The following ATRX variants were observed in gnomAD, a reference collection of about 807,000 sequenced individuals.
ATRX encodes the protein chromatin remodeler ATRX.
A neutral mutation model predicts 172.6 loss-of-function variants in ATRX; 12 were observed. The ratio of observed to expected loss-of-function variants is 0.07; its 90% CI spans 0.04 to 0.11. The LOEUF (loss-of-function observed/expected upper bound fraction) is 0.11, where lower values mean the gene tolerates loss of function less well. ATRX is among the 10% of genes least tolerant of loss of function. The probability of loss-of-function intolerance (pLI) is 1.00; values close to 1 mark genes in which losing one functional copy is unlikely to be tolerated. For synonymous variants in ATRX, 674 were observed against 594.7 expected (o/e 1.13, Z -1.94); for missense variants, 1,368 against 1,767.4 (o/e 0.77, Z 4.05).
At chrX:77,565,155 C>T (rs1208483489) in intron 28 of ATRX, among the ~76,000 whole-genome samples, 1 of 111,869 alleles carries the variant, frequency 8.9e-6, no homozygotes, top group Non-Finnish European at 1.9e-5. Context: ...CCTCTGTCCC[C>T]CCACCCAGCC....
intron 1 of ATRX, among the ~76,000 whole-genome samples, chrX:77,776,353 T>C (rs1396457267): frequency 8.9e-6 from 1 of 112,174 alleles, no homozygotes; most frequent in Non-Finnish European, 1.9e-5. Context: ...AAGTGCTTTA[T>C]GCCCATTTAA....
chrX:77,672,709 G>T (rs1414581525), intron 10 of ATRX, among the ~76,000 whole-genome samples: 1 of 109,113 alleles, frequency 9.2e-6, no homozygotes, highest in Admixed American at 9.8e-5. Context: ...GCATTTAGTC[G>T]CACCCACAGA....
At chrX:77,625,192 T>C (rs187741583) in intron 19 of ATRX, among the ~76,000 whole-genome samples, 4 of 112,192 alleles carry the variant, frequency 3.6e-5, no homozygotes, top group Non-Finnish European at 7.5e-5. Context: ...GCTACCCACA[T>C]GTAGGAGAAT....
chrX:77,659,110 G>C (rs1444904352), intron 12 of ATRX, among the ~76,000 whole-genome samples: 3 of 111,018 alleles, frequency 2.7e-5, no homozygotes, highest in Non-Finnish European at 5.7e-5. Flanking sequence ...TTGGAATGAC[G>C]ACACGTTTTA....
chrX:77,583,035 TA>T (rs1449759441), intron 27 of ATRX, among the ~76,000 whole-genome samples: 4 of 111,353 alleles, frequency 3.6e-5, no homozygotes, highest in Non-Finnish European at 7.5e-5. Context: ...TAAACACACA[TA>T]AAAAAATTAA....
chrX:77,613,407 A>G (rs1052710542), intron 22 of ATRX, among the ~76,000 whole-genome samples: 2 of 111,457 alleles, frequency 1.8e-5, no homozygotes, highest in African/African-American at 6.5e-5. Context: ...AGAAATGTCT[A>G]TTCAAATCCT....
intron 26 of ATRX, among the ~76,000 whole-genome samples, chrX:77,593,306 A>G (rs1399770662): frequency 9.0e-6 from 1 of 110,819 alleles, no homozygotes; most frequent in Non-Finnish European, 1.9e-5. Flanking sequence ...AGAGATGTCC[A>G]CTAGATTTGA....
intron 12 of ATRX, 65 bp from the exon 13 acceptor site, chrX:77,656,718 T>C: frequency 1.1e-6 from 1 of 906,347 alleles, no homozygotes; most frequent in African/African-American, 2.0e-5. Context: ...TTCACTTAAT[T>C]TACCACTGAC....
intron 10 of ATRX, among the ~76,000 whole-genome samples, chrX:77,665,119 A>G (rs782418543): frequency 8.9e-6 from 1 of 112,354 alleles, no homozygotes; most frequent in Non-Finnish European, 1.9e-5. Flanking sequence ...CTACAACTAC[A>G]AAGTCAGACA....
rs143492266 is a variant in ATRX, at chrX:77,683,345, C to G, written c.1911G>C (p.Glu637Asp). The G allele has an allele frequency of 1.7e-6, 2 of 1,211,120 alleles. No individual in the cohort carries two copies. The highest frequency in any genetic ancestry group is 2.2e-6 in the Non-Finnish European group (2 of 895,275). The change falls in exon 9 of 35, where the codon GAG (glutamate) becomes GAC (aspartate). Residue 637 changes from glutamate (E) to aspartate (D), a missense_variant. Physicochemically the swap from Glu to Asp is conservative, Grantham distance 45. Coordinates refer to ENST00000373344, the MANE Select transcript of ATRX (RefSeq NM_000489.6). ...CGLGQENSDN[E>D]HLVENEVSLL... ...ATGAAACTTCATTTTCAACCAAATGCTCATTATCACTGTTTTCCTGTCCAA... is the reference window on the plus strand; with the variant it reads ...ATGAAACTTCATTTTCAACCAAATGGTCATTATCACTGTTTTCCTGTCCAA...
At chrX:77,582,558 A>T (rs140114504) in intron 27 of ATRX, among the ~76,000 whole-genome samples, 2 of 111,262 alleles carry the variant, frequency 1.8e-5, no homozygotes, top group African/African-American at 6.5e-5. Context: ...GAAACAAAAA[A>T]CAGGTTTTTT....
intron 1 of ATRX, among the ~76,000 whole-genome samples, chrX:77,768,182 C>T (rs782812648): frequency 8.9e-6 from 1 of 111,832 alleles, no homozygotes; most frequent in Non-Finnish European, 1.9e-5. Context: ...ATTTCATCAA[C>T]TAAGTAAAAA....
At chrX:77,549,046 A>G (rs184408790) in intron 30 of ATRX, among the ~76,000 whole-genome samples, 2 of 111,968 alleles carry the variant, frequency 1.8e-5, no homozygotes, top group East Asian at 5.6e-4. Flanking sequence ...TAGGCTGTGT[A>G]TACTGTACTT....
intron 5 of ATRX, among the ~76,000 whole-genome samples, chrX:77,695,228 T>A (rs1180483542): frequency 9.0e-6 from 1 of 110,933 alleles, no homozygotes; most frequent in African/African-American, 3.3e-5. Context: ...TCTGAATTTG[T>A]TCCTTTATCT....
chrX:77,508,175 G>A lies in ATRX; in HGVS notation c.*176C>T. 2.0e-6 allele frequency: 1 copy of A among 498,678 alleles called. No individual in the cohort carries two copies. 41.1% of individuals were successfully genotyped at this position (498,678 alleles called of 1,213,427 possible). On this transcript the variant is annotated 3_prime_UTR_variant, in exon 35 of 35. Coordinates refer to ENST00000373344, the MANE Select transcript of ATRX (RefSeq NM_000489.6). ...ATTCTAGGCAACATCACTGACAAAT[G>A]TCAGGAAGAAATGGTATGCCCTATT...
chrX:77,620,563 T>TTTCA, intron 19 of ATRX, 31 bp from the exon 20 acceptor site: 1 of 1,121,325 alleles, frequency 8.9e-7, no homozygotes, highest in Non-Finnish European at 1.2e-6. Flanking sequence ...ATAACACAAT[T>TTTCA]AATATATAAT....
chrX:77,768,087 C>T (rs1261186771), intron 1 of ATRX, among the ~76,000 whole-genome samples: 7 of 112,236 alleles, frequency 6.2e-5, no homozygotes, highest in Non-Finnish European at 1.3e-4. Context: ...TTTTTCAACA[C>T]TCCATTCTAT....
Position 77,522,103 on chromosome X carries a change from G to A in ATRX, c.6975+160C>T, listed in dbSNP as rs2063249422. On this transcript the variant is annotated intron_variant, in intron 32 of 34. Coordinates refer to ENST00000373344, the MANE Select transcript of ATRX (RefSeq NM_000489.6). Reference sequence around the variant, plus strand: ...AACAAACCACATTTTACAACATCATGTTGGTTCAAAACGGTCAACAAATAA... The same window carrying A: ...AACAAACCACATTTTACAACATCATATTGGTTCAAAACGGTCAACAAATAA... The A allele has an allele frequency of 1.8e-5, 12 of 649,989 alleles. No homozygotes were observed. In the South Asian group the frequency reaches 2.5e-4, roughly 13 times the overall value. 53.6% of individuals were successfully genotyped at this position (649,989 alleles called of 1,213,427 possible). A position where few individuals can be genotyped will look rare whatever the true frequency, so the allele number is the denominator to read the frequency against.
intron 2 of ATRX, among the ~76,000 whole-genome samples, chrX:77,700,287 C>A (rs782724556): frequency 3.0e-4 from 34 of 111,755 alleles, no homozygotes; most frequent in Non-Finnish European, 5.8e-4. Context: ...AAACAATATA[C>A]CCCTGCATGC....
Sources: allele counts gnomAD v4.1 joint callset (sites outside exome capture counted in the v4.1 genomes callset), GRCh38; gene constraint gnomAD v4.1.1; transcripts MANE v1.5; gene names NCBI Gene and HGNC (gene_info 2026-07-23, HGNC 2026-07-21).